Variants in CNTNAP2 observed in about 807,000 individuals in gnomAD.
The protein encoded by CNTNAP2 is contactin associated protein 2, also known as contactin-associated protein-like 2.
CNTNAP2 carries 98 observed loss-of-function variants against 155.2 expected under a neutral mutation model. The observed-to-expected ratio is 0.63, with a 90% CI of 0.54 to 0.75. The LOEUF is 0.75. Among genes scored for constraint, CNTNAP2 ranks in the 30% least tolerant of loss-of-function variants. The pLI, the probability that CNTNAP2 is intolerant of heterozygous loss-of-function variation, is 0.00. For missense variants in CNTNAP2, 1,727 were observed against 1,688.1 expected (o/e 1.02, Z -0.40); for synonymous variants, 651 against 631.2 (o/e 1.03, Z -0.47).
intron 11 of CNTNAP2, among the ~76,000 whole-genome samples, chr7:147,560,551 T>A (rs1413751606): frequency 6.6e-6 from 1 of 152,084 alleles, no homozygotes; most frequent in Non-Finnish European, 1.5e-5. Flanking sequence ...GGGACAAAAG[T>A]TGTCTGGGCT....
At chr7:147,289,956 A>C (rs527892431) in intron 8 of CNTNAP2, among the ~76,000 whole-genome samples, 2 of 152,206 alleles carry the variant, frequency 1.3e-5, no homozygotes, top group African/African-American at 4.8e-5. Context: ...TCCATTTGAA[A>C]ACATTTACAT....
intron 15 of CNTNAP2, among the ~76,000 whole-genome samples, chr7:147,984,499 C>T (rs1801583630): frequency 6.6e-6 from 1 of 151,950 alleles, no homozygotes; most frequent in Non-Finnish European, 1.5e-5. Context: ...CCAAAGTCCT[C>T]CTTTCTACTC....
chr7:147,298,455 C>G (rs764555683), intron 8 of CNTNAP2, among the ~76,000 whole-genome samples: 8 of 151,392 alleles, frequency 5.3e-5, no homozygotes, highest in Non-Finnish European at 8.9e-5. Flanking sequence ...GTAAGTATTA[C>G]TAAATTAAAA....
chr7:146,611,168 C>G (rs1213570524), intron 1 of CNTNAP2, among the ~76,000 whole-genome samples: 2 of 152,202 alleles, frequency 1.3e-5, no homozygotes, highest in African/African-American at 4.8e-5. Context: ...TGCAGTGGTG[C>G]AATCACAGCT....
At chr7:146,575,076 T>C (rs1798502827) in intron 1 of CNTNAP2, among the ~76,000 whole-genome samples, 2 of 152,182 alleles carry the variant, frequency 1.3e-5, no homozygotes, top group South Asian at 4.1e-4. Flanking sequence ...CCAAAAGCCT[T>C]AGCCTATACA....
At chr7:147,499,212 A>T (rs1043639628) in intron 11 of CNTNAP2, among the ~76,000 whole-genome samples, 1 of 152,056 alleles carries the variant, frequency 6.6e-6, no homozygotes, top group Non-Finnish European at 1.5e-5. Context: ...AGTTTTTTGG[A>T]GGGGTAATTT....
intron 9 of CNTNAP2, among the ~76,000 whole-genome samples, chr7:147,305,281 T>C (rs2692182): frequency 0.17 from 25,264 of 152,180 alleles, 3,283 homozygotes; most frequent in East Asian, 0.7. Context: ...TATGTAAATA[T>C]AGATTTTTAT....
chr7:148,411,866 TG>T (rs1162894922), intron 23 of CNTNAP2, among the ~76,000 whole-genome samples: 1 of 152,072 alleles, frequency 6.6e-6, no homozygotes, highest in African/African-American at 2.4e-5. Context: ...TGTGTGTGTG[TG>T]TGTGTCTATT....
chr7:147,442,968 G>A lies in CNTNAP2; in HGVS notation c.1671-42967G>A, dbSNP rs542942663. On this transcript the variant is annotated intron_variant, in intron 10 of 23. Transcript: ENST00000361727. ...TTGGAGCAGTTAGTTGTACAGCCTG[G>A]AATTAGGGGAGAGGTGGTGCAAGCA... Among the ~76,000 whole-genome samples the A allele has an allele frequency of 2.4e-4, 37 of 152,196 alleles. No individual in the cohort carries two copies. In the South Asian group the frequency reaches 6.0e-3, roughly 25 times the overall value.
intron 12 of CNTNAP2, among the ~76,000 whole-genome samples, chr7:147,601,386 G>C (rs971519142): frequency 6.6e-6 from 1 of 151,750 alleles, no homozygotes; most frequent in African/African-American, 2.4e-5. Flanking sequence ...TCTCTGGCGG[G>C]CAGGGGTGGG....
At chr7:148,272,681 G>GA (rs1343433009) in intron 21 of CNTNAP2, among the ~76,000 whole-genome samples, 2 of 152,258 alleles carry the variant, frequency 1.3e-5, no homozygotes, top group African/African-American at 4.8e-5. Flanking sequence ...GAAGATGGGA[G>GA]ACCCCCAGCA....
chr7:146,903,998 A>C (rs1349039401), intron 3 of CNTNAP2, among the ~76,000 whole-genome samples: 3 of 152,212 alleles, frequency 2.0e-5, no homozygotes, highest in Non-Finnish European at 4.4e-5. Context: ...TTATATGTCA[A>C]TTTAAAATAA....
intron 1 of CNTNAP2, among the ~76,000 whole-genome samples, chr7:146,173,237 A>G (rs1270984056): frequency 6.6e-6 from 1 of 152,178 alleles, no homozygotes; most frequent in African/African-American, 2.4e-5. Flanking sequence ...ATTATACATT[A>G]TTAGAGTAAA....
intron 9 of CNTNAP2, among the ~76,000 whole-genome samples, chr7:147,388,299 A>C (rs1195468844): frequency 1.3e-5 from 2 of 152,038 alleles, no homozygotes; most frequent in Admixed American, 1.3e-4. Context: ...CCAGATTCTT[A>C]CTGTACTTTC....
chr7:146,770,683 G>C (rs1802279847), intron 1 of CNTNAP2, among the ~76,000 whole-genome samples: 1 of 146,606 alleles, frequency 6.8e-6, no homozygotes, highest in African/African-American at 2.6e-5. Flanking sequence ...AAATTGATTT[G>C]ATTTTTTAAA....
At chr7:148,273,766 T>G (rs1393241339) in intron 21 of CNTNAP2, among the ~76,000 whole-genome samples, 1 of 152,184 alleles carries the variant, frequency 6.6e-6, no homozygotes, top group African/African-American at 2.4e-5. Context: ...GTAAGTCATA[T>G]TGGTCTCAGA....
At chr7:146,422,359 G>GTATATATATATATATATATATATATATA (rs971506491) in intron 1 of CNTNAP2, among the ~76,000 whole-genome samples, 1 of 148,118 alleles carries the variant, frequency 6.8e-6, no homozygotes, top group African/African-American at 2.5e-5. Flanking sequence ...GTATATATAT[G>GTATATATATATATATATATATATATATA]TATATATATA....
intron 13 of CNTNAP2, among the ~76,000 whole-genome samples, chr7:147,894,427 G>A (rs1446401295): frequency 1.3e-5 from 2 of 152,120 alleles, no homozygotes; most frequent in Non-Finnish European, 2.9e-5. Context: ...TTACCAGAGA[G>A]CAGAGCCTGG....
At chr7:147,175,844 G>A (rs924498638) in intron 8 of CNTNAP2, among the ~76,000 whole-genome samples, 11 of 152,150 alleles carry the variant, frequency 7.2e-5, no homozygotes, top group African/African-American at 2.2e-4. Context: ...AATAAAACAA[G>A]CTCTCTAACT....
Sources: allele counts gnomAD v4.1 joint callset (sites outside exome capture counted in the v4.1 genomes callset), GRCh38; gene constraint gnomAD v4.1.1; transcripts MANE v1.5; gene names NCBI Gene and HGNC (gene_info 2026-07-23, HGNC 2026-07-21).